The following ZNF215 variants were observed in gnomAD, a reference collection of about 807,000 sequenced individuals.
ZNF215 encodes BWSCR2-associated zinc finger protein 2.
Under a neutral mutation model 27.2 loss-of-function variants are expected in ZNF215, and 24 were observed. That is an observed-to-expected ratio of 0.88 (90% CI 0.64 to 1.24). The LOEUF (loss-of-function observed/expected upper bound fraction) is 1.24, where lower values mean the gene tolerates loss of function less well. Among genes scored for constraint, ZNF215 ranks in the 50% most tolerant of loss-of-function variants. The pLI is 0.00. For synonymous variants in ZNF215, 210 were observed against 204.0 expected, an observed-to-expected ratio of 1.03 and a Z score of -0.25; for missense variants, 675 against 605.7, an observed-to-expected ratio of 1.11 and a Z score of -1.20.
At chr11:6,936,626 C>T (rs1225807864) in intron 3 of ZNF215, among the ~76,000 whole-genome samples, 1 of 151,962 alleles carries the variant, frequency 6.6e-6, no homozygotes, top group East Asian at 1.9e-4. Context: ...TTAAGTTATC[C>T]TGTGAGGCAA....
chr11:6,966,341 T>TGGG (rs1564971873), intron 5 of ZNF215, among the ~76,000 whole-genome samples: 1 of 152,074 alleles, frequency 6.6e-6, no homozygotes, highest in African/African-American at 2.4e-5. Context: ...TGGAGGGTGG[T>TGGG]ATGAGGATGA....
At chr11:6,949,303 A>C (rs987261369) in intron 6 of ZNF215, among the ~76,000 whole-genome samples, 2 of 152,196 alleles carry the variant, frequency 1.3e-5, no homozygotes, top group Non-Finnish European at 2.9e-5. Context: ...TTCTAGTTCA[A>C]GATCCCTGAG....
intron 5 of ZNF215, among the ~76,000 whole-genome samples, chr11:6,971,116 A>C (rs980344702): frequency 1.3e-5 from 2 of 151,994 alleles, no homozygotes; most frequent in Non-Finnish European, 2.9e-5. Context: ...AAAAAAAAAA[A>C]CAAATTTGAT....
chr11:6,974,766 T>C (rs532144170), intron 5 of ZNF215, among the ~76,000 whole-genome samples: 28 of 152,310 alleles, frequency 1.8e-4, no homozygotes, highest in Middle Eastern at 6.8e-3. Flanking sequence ...TTGCTGAAGT[T>C]GCTTATCAGC....
chr11:6,976,593 G>T (rs2133345608), intron 5 of ZNF215, among the ~76,000 whole-genome samples: 1 of 152,126 alleles, frequency 6.6e-6, no homozygotes, highest in East Asian at 1.9e-4. Flanking sequence ...AGTTTTTGTT[G>T]TTGTTTTATT....
At chr11:6,943,503 A>G in intron 5 of ZNF215, 43 bp from the exon 6 acceptor site, 2 of 1,526,460 alleles carry the variant, frequency 1.3e-6, no homozygotes, top group Admixed American at 1.7e-5. Flanking sequence ...GAAGTGTCAT[A>G]TATGTTTGTT....
chr11:6,972,176 G>A (rs1850731146), intron 5 of ZNF215, among the ~76,000 whole-genome samples: 1 of 152,036 alleles, frequency 6.6e-6, no homozygotes, highest in Non-Finnish European at 1.5e-5. Flanking sequence ...CCAGGCATCA[G>A]TAACCTTTTG....
chr11:6,970,080 C>T (rs998497039), intron 5 of ZNF215, among the ~76,000 whole-genome samples: 4 of 150,132 alleles, frequency 2.7e-5, no homozygotes, highest in Admixed American at 1.4e-4. Flanking sequence ...CTGTGCCTGG[C>T]CAGCATTGGT....
intron 5 of ZNF215, 38 bp from the exon 6 acceptor site, chr11:6,943,508 T>G: frequency 6.5e-7 from 1 of 1,537,848 alleles, no homozygotes; most frequent in Non-Finnish European, 9.0e-7. Flanking sequence ...GTCATATATG[T>G]TTGTTGTTGT....
chr11:6,962,034 C>G (rs1457217128), downstream of ZNF215, among the ~76,000 whole-genome samples: 4 of 152,094 alleles, frequency 2.6e-5, no homozygotes, highest in Non-Finnish European at 5.9e-5. Flanking sequence ...AAACAGATGT[C>G]ATTCTCAATT....
chr11:6,942,478 T>C (rs182346407), intron 4 of ZNF215, among the ~76,000 whole-genome samples: 40 of 152,252 alleles, frequency 2.6e-4, no homozygotes, highest in Non-Finnish European at 5.9e-5. Context: ...TACAGGCAAA[T>C]ACAAGCAAAT....
At chr11:6,952,454 C>T (rs1365861907) in intron 6 of ZNF215, among the ~76,000 whole-genome samples, 3 of 152,262 alleles carry the variant, frequency 2.0e-5, no homozygotes, top group South Asian at 2.1e-4. Flanking sequence ...ATAGTTAGCT[C>T]TTCTTGTTGA....
At chr11:6,947,607 C>T (rs942793851) in intron 6 of ZNF215, among the ~76,000 whole-genome samples, 1 of 152,106 alleles carries the variant, frequency 6.6e-6, no homozygotes, top group Admixed American at 6.5e-5. Context: ...GTTGTACAAA[C>T]ATGAGTAACA....
chr11:6,966,528 T>C (rs1288746554), intron 5 of ZNF215, among the ~76,000 whole-genome samples: 1 of 152,130 alleles, frequency 6.6e-6, no homozygotes, highest in East Asian at 1.9e-4. Flanking sequence ...TCATCTAAGT[T>C]GTGGAATCTA....
chr11:6,932,206 C>G lies in ZNF215; in HGVS notation c.-67C>G. 6.4e-7 allele frequency: 1 copy of G among 1,557,666 alleles called. No individual in the cohort carries two copies. Among genetic ancestry groups the G allele is most frequent in the Non-Finnish European group, 8.7e-7 (1 of 1,151,638 alleles). ...GCATATAGTACACAGGTGCTTAGCT[C>G]AAGCCTGAGAATTACTGCAATCTAG... On this transcript the variant is annotated 5_prime_UTR_variant, in exon 3 of 7. Coordinates refer to ENST00000278319, the MANE Select transcript of ZNF215 (RefSeq NM_013250.4).
intron 5 of ZNF215, among the ~76,000 whole-genome samples, chr11:6,974,016 T>TTA (rs547400633): frequency 0.011 from 1,681 of 152,310 alleles, 31 homozygotes; most frequent in African/African-American, 0.036. Flanking sequence ...TCTAGGGTTT[T>TTA]TATGGTTTTA....
In ZNF215 at chr11:6,932,127, A is replaced by G; in HGVS notation, c.-146A>G. ...GTACCTGAATATTGGCTTTGTGTCT[A>G]AAGTTTCTGGAACTTTCCTCCTTAC... On this transcript the variant is annotated 5_prime_UTR_variant, in exon 3 of 7. The change abolishes the stop of an existing upstream ORF in the 5' untranslated region. Coordinates refer to ENST00000278319, the MANE Select transcript of ZNF215 (RefSeq NM_013250.4). The G allele has an allele frequency of 9.9e-7, 1 of 1,008,670 alleles. No homozygotes were observed. The highest frequency in any genetic ancestry group is 2.5e-5 in the East Asian group (1 of 39,554). 62.5% of individuals were successfully genotyped at this position (1,008,670 alleles called of 1,614,324 possible).
intron 5 of ZNF215, among the ~76,000 whole-genome samples, chr11:6,969,785 A>AT (rs1850686602): frequency 6.6e-6 from 1 of 151,998 alleles, no homozygotes; most frequent in East Asian, 1.9e-4. Context: ...GTAGTCTGTT[A>AT]TTTTTTATTT....
At chr11:6,981,657 T>C (rs1001910519) in intron 5 of ZNF215, among the ~76,000 whole-genome samples, 1 of 152,186 alleles carries the variant, frequency 6.6e-6, no homozygotes, top group Non-Finnish European at 1.5e-5. Context: ...CCATTGCTTT[T>C]GGTGTTTTAG....
Sources: allele counts gnomAD v4.1 joint callset (sites outside exome capture counted in the v4.1 genomes callset), GRCh38; gene constraint gnomAD v4.1.1; transcripts MANE v1.5; gene names NCBI Gene and HGNC (gene_info 2026-07-23, HGNC 2026-07-21).